Variants in BAIAP2L1 observed in about 807,000 individuals in gnomAD.
BAIAP2L1 encodes BAR/IMD domain containing adaptor protein 2 like 1, also known as BAR/IMD domain-containing adapter protein 2-like 1.
In BAIAP2L1, 35 loss-of-function variants were observed where a neutral mutation model predicts 66.3. The observed-to-expected ratio is 0.53, with a 90% CI of 0.40 to 0.70. The LOEUF is 0.70. Among genes scored for constraint, BAIAP2L1 ranks in the 30% least tolerant of loss-of-function variants. BAIAP2L1 has a pLI of 0.00. For missense variants in BAIAP2L1, 622 were observed against 656.9 expected (o/e 0.95, Z 0.58); for synonymous variants, 269 against 248.7 (o/e 1.08, Z -0.77).
chr7:98,398,357 CTGAAT>C (rs1369543810), intron 1 of BAIAP2L1, among the ~76,000 whole-genome samples: 1 of 152,032 alleles, frequency 6.6e-6, no homozygotes, highest in African/African-American at 2.4e-5. Flanking sequence ...TTTCAGACTC[CTGAAT>C]TAAAATTTCA....
intron 1 of BAIAP2L1, among the ~76,000 whole-genome samples, chr7:98,377,545 C>T (rs1439566911): frequency 6.6e-6 from 1 of 152,048 alleles, no homozygotes; most frequent in Admixed American, 6.6e-5. Context: ...TAGGCCAGGC[C>T]CGGTGGCTCA....
intron 3 of BAIAP2L1, among the ~76,000 whole-genome samples, chr7:98,349,670 C>T (rs1377577099): frequency 6.6e-6 from 1 of 151,404 alleles, no homozygotes; most frequent in African/African-American, 2.4e-5. Context: ...GTCAGGAGTT[C>T]AAGACTAGCC....
chr7:98,296,326 A>G (rs1042399196), intron 12 of BAIAP2L1, among the ~76,000 whole-genome samples: 3 of 152,268 alleles, frequency 2.0e-5, no homozygotes, highest in Non-Finnish European at 4.4e-5. Context: ...TACAATGTTT[A>G]CTTTAAAATA....
chr7:98,365,165 T>G (rs1297151758), intron 1 of BAIAP2L1, among the ~76,000 whole-genome samples: 3 of 151,834 alleles, frequency 2.0e-5, no homozygotes, highest in Non-Finnish European at 4.4e-5. Context: ...GTCCCAGCAT[T>G]TTTTTTGTTT....
At chr7:98,347,864 A>T (rs1410291240) in intron 3 of BAIAP2L1, among the ~76,000 whole-genome samples, 1 of 152,138 alleles carries the variant, frequency 6.6e-6, no homozygotes, top group African/African-American at 2.4e-5. Flanking sequence ...GCTGGAAACC[A>T]TCATTCTCAG....
At chr7:98,391,017 T>G (rs1452610176) in intron 1 of BAIAP2L1, among the ~76,000 whole-genome samples, 1 of 144,274 alleles carries the variant, frequency 6.9e-6, no homozygotes, top group African/African-American at 2.5e-5. Context: ...TTTTTTTTTG[T>G]ATTTTTAGTA....
intron 5 of BAIAP2L1, 114 bp downstream of exon 5, chr7:98,319,944 A>G: frequency 2.3e-6 from 2 of 852,804 alleles, no homozygotes; most frequent in South Asian, 3.3e-5. Context: ...GGCATCATCA[A>G]CACGGAGCTT....
At chr7:98,387,215 C>T (rs1802916326) in intron 1 of BAIAP2L1, among the ~76,000 whole-genome samples, 1 of 152,124 alleles carries the variant, frequency 6.6e-6, no homozygotes, top group Non-Finnish European at 1.5e-5. Flanking sequence ...AGGAGAGGGG[C>T]TGCGGCTACT....
At chr7:98,353,580 CAT>C (rs950898635) in intron 3 of BAIAP2L1, among the ~76,000 whole-genome samples, 34 of 132,830 alleles carry the variant, frequency 2.6e-4, no homozygotes, top group African/African-American at 7.2e-4. Flanking sequence ...ATTATAAATA[CAT>C]ATATATTTAT....
intron 8 of BAIAP2L1, among the ~76,000 whole-genome samples, chr7:98,311,689 C>T (rs944581885): frequency 1.3e-5 from 2 of 151,918 alleles, no homozygotes; most frequent in African/African-American, 4.8e-5. Context: ...AGACAGATCA[C>T]GAGGTCAGGA....
In BAIAP2L1 at chr7:98,312,120, G is replaced by T; in HGVS notation, c.784C>A (p.Pro262Thr). The change falls in exon 8 of 14, where the codon CCC (proline) becomes ACC (threonine). Residue 262 changes from proline (P) to threonine (T), a missense_variant. Pro to Thr is a conservative substitution (Grantham distance 38). Coordinates refer to ENST00000005260, the MANE Select transcript of BAIAP2L1 (RefSeq NM_018842.5). ...TPVSGTPQAS[P>T]MIERSNVVRK... is the part of the protein sequence containing the mutation. ...ACCACATTGCTTCTCTCGATCATGG[G>T]TGAAGCCTGAGGAGTTCCAGACACG... 1 of 1,610,174 alleles carries T rather than the reference G, an allele frequency of 6.2e-7. No individual in the cohort carries two copies. The highest frequency in any genetic ancestry group is 2.2e-5 in the East Asian group (1 of 44,788).
At chr7:98,372,408 AAAAAC>A (rs1053359984) in intron 1 of BAIAP2L1, among the ~76,000 whole-genome samples, 7 of 152,220 alleles carry the variant, frequency 4.6e-5, no homozygotes, top group Admixed American at 6.5e-5. Context: ...TCAGTCTCAA[AAAAAC>A]AAAACAAAAC....
At chr7:98,299,766 C>A (rs866344727) in intron 12 of BAIAP2L1, among the ~76,000 whole-genome samples, 1 of 152,186 alleles carries the variant, frequency 6.6e-6, no homozygotes, top group South Asian at 2.1e-4. Flanking sequence ...ATTTGCCGGG[C>A]GCAGTGACTC....
intron 11 of BAIAP2L1, 142 bp downstream of exon 11, chr7:98,306,297 G>T (rs1374397064): frequency 4.0e-6 from 4 of 1,001,690 alleles, no homozygotes; most frequent in Non-Finnish European, 6.1e-6. Flanking sequence ...ACAGCACTGT[G>T]AGCCGCGGTC....
intron 1 of BAIAP2L1, among the ~76,000 whole-genome samples, chr7:98,393,120 T>TGTATATATACACAC (rs1251347579): frequency 7.0e-5 from 6 of 85,560 alleles, no homozygotes; most frequent in Non-Finnish European, 1.0e-4. Flanking sequence ...TGTACACATA[T>TGTATATATACACAC]ATGTATATAT....
intron 12 of BAIAP2L1, among the ~76,000 whole-genome samples, chr7:98,300,517 T>A (rs1800378118): frequency 6.6e-6 from 1 of 152,196 alleles, no homozygotes; most frequent in Non-Finnish European, 1.5e-5. Context: ...GAAAGCGTAC[T>A]GATGTGGAGG....
chr7:98,347,080 T>C (rs899037685), intron 3 of BAIAP2L1, among the ~76,000 whole-genome samples: 3 of 152,154 alleles, frequency 2.0e-5, no homozygotes, highest in Non-Finnish European at 4.4e-5. Context: ...AACATTGTAA[T>C]TGCAAGGATG....
In BAIAP2L1 at chr7:98,355,048, C is replaced by G. The variant is rs1160529541; in HGVS notation, c.208G>C (p.Glu70Gln). 6.2e-7 allele frequency: 1 copy of G among 1,612,642 alleles called. No individual in the cohort carries two copies. The highest frequency in any genetic ancestry group is 1.1e-5 in the South Asian group (1 of 91,062). Reference sequence around the variant, plus strand: ...AAAGGGACAGATCGCTCACCCAGTTCAGTTGACACGGGGGACCCAGTGGCA... The same window carrying G: ...AAAGGGACAGATCGCTCACCCAGTTGAGTTGACACGGGGGACCCAGTGGCA... ...EIATGSPVST[E>Q]LGHVLIEISS... The change falls in exon 3 of 14, where the codon GAA becomes CAA. Residue 70 changes from glutamate to glutamine, a missense_variant. Glu to Gln is a conservative substitution (Grantham distance 29). Transcript: ENST00000005260.
Position 98,320,038 on chromosome 7 carries a change from G to A in BAIAP2L1, c.348+20C>T. On this transcript the variant is annotated intron_variant, in intron 5 of 13. Coordinates refer to ENST00000005260, the MANE Select transcript of BAIAP2L1 (RefSeq NM_018842.5). ...GTCAGGCAGCCCAAGGCTGGGGCTGGAGGAAAACCATGCACTTACGTTCAT... is the reference window on the plus strand; with the variant it reads ...GTCAGGCAGCCCAAGGCTGGGGCTGAAGGAAAACCATGCACTTACGTTCAT... 1 of 1,605,246 alleles carries A rather than the reference G, an allele frequency of 6.2e-7. No individual in the cohort carries two copies. The highest frequency in any genetic ancestry group is 8.5e-7 in the Non-Finnish European group (1 of 1,174,178).
Sources: allele counts gnomAD v4.1 joint callset (sites outside exome capture counted in the v4.1 genomes callset), GRCh38; gene constraint gnomAD v4.1.1; transcripts MANE v1.5; gene names NCBI Gene and HGNC (gene_info 2026-07-23, HGNC 2026-07-21).